Variants in TMEM144 observed in about 807,000 individuals in gnomAD.
TMEM144 encodes transmembrane protein 144.
Under a neutral mutation model 43.6 loss-of-function variants are expected in TMEM144, and 39 were observed. The observed-to-expected ratio is 0.90, with a 90% CI of 0.69 to 1.17. The LOEUF is 1.17. Among genes scored for constraint, TMEM144 ranks in the 50% most tolerant of loss-of-function variants. TMEM144 has a pLI of 0.00. For synonymous variants in TMEM144, 154 were observed against 133.6 expected (o/e 1.15, Z -1.06); for missense variants, 417 against 411.9 (o/e 1.01, Z -0.11).
chr4:158,248,762 C>T (rs1026923129), intron 12 of TMEM144, among the ~76,000 whole-genome samples: 10 of 152,154 alleles, frequency 6.6e-5, no homozygotes, highest in Non-Finnish European at 1.5e-4. Context: ...TCCTTGAAGA[C>T]GCATATTTAA....
intron 11 of TMEM144, among the ~76,000 whole-genome samples, chr4:158,244,058 ATAT>A (rs1221935457): frequency 5.9e-5 from 9 of 152,208 alleles, no homozygotes; most frequent in African/African-American, 2.2e-4. Flanking sequence ...GTGGCACAAA[ATAT>A]TATAGCATCA....
At chr4:158,248,764 C>A (rs1419649328) in intron 12 of TMEM144, among the ~76,000 whole-genome samples, 2 of 152,188 alleles carry the variant, frequency 1.3e-5, no homozygotes, top group Non-Finnish European at 2.9e-5. Context: ...CTTGAAGACG[C>A]ATATTTAAAA....
intron 12 of TMEM144, among the ~76,000 whole-genome samples, chr4:158,247,303 G>A (rs1203373762): frequency 6.6e-6 from 1 of 151,940 alleles, no homozygotes; most frequent in South Asian, 2.1e-4. Context: ...TATATTGGAA[G>A]TCAAGGATTT....
In TMEM144 at chr4:158,254,516, G is replaced by C. The variant is rs1420477215; in HGVS notation, c.*989G>C. 6.6e-6 allele frequency: 1 copy of C among 151,028 alleles called. No homozygotes were observed. The highest frequency in any genetic ancestry group is 2.4e-5 in the African/African-American group (1 of 41,088). The allele number at this position is 151,028 out of a possible 1,614,324, so 9.4% of individuals were successfully genotyped here. A position where few individuals can be genotyped will look rare whatever the true frequency, so the allele number is the denominator to read the frequency against. ...CGCACTACTATAATCCCAGCTGCTG[G>C]GGCGGCTGAAGTAGGAGGGTCACTT... On this transcript the variant is annotated 3_prime_UTR_variant, in exon 13 of 13. Coordinates refer to ENST00000296529, the MANE Select transcript of TMEM144 (RefSeq NM_018342.5).
chr4:158,252,665 G>A (rs1370287142), intron 12 of TMEM144, among the ~76,000 whole-genome samples: 1 of 151,858 alleles, frequency 6.6e-6, no homozygotes, highest in Non-Finnish European at 1.5e-5. Flanking sequence ...AAAATTCACT[G>A]GGCTTGGTGA....
intron 10 of TMEM144, among the ~76,000 whole-genome samples, chr4:158,240,906 T>A (rs950446635): frequency 2.6e-5 from 4 of 152,222 alleles, no homozygotes; most frequent in African/African-American, 9.6e-5. Flanking sequence ...TGATCTTTTT[T>A]AAAAATCTCA....
chr4:158,212,648 A>C lies in TMEM144; in HGVS notation c.-20A>C. 1.3e-6 allele frequency: 2 copies of C among 1,560,462 alleles called. No individual in the cohort carries two copies. Among genetic ancestry groups the C allele is most frequent in the Non-Finnish European group, 1.8e-6 (2 of 1,142,458 alleles). On this transcript the variant is annotated 5_prime_UTR_variant, in exon 3 of 13. Coordinates refer to ENST00000296529, the MANE Select transcript of TMEM144 (RefSeq NM_018342.5). ...ACATCAAGTCTAAAGTGAACCAGCTAACTCATTAAGACTGGAATCATGAGC... is the reference window on the plus strand; with the variant it reads ...ACATCAAGTCTAAAGTGAACCAGCTCACTCATTAAGACTGGAATCATGAGC...
Position 158,232,960 on chromosome 4 carries a change from C to A in TMEM144, c.473C>A (p.Thr158Asn), listed in dbSNP as rs759603240. 1.9e-6 allele frequency: 3 copies of A among 1,609,866 alleles called. No homozygotes were observed. The African/African-American group carries it at 4.0e-5, about 22-fold the overall frequency. Reference protein sequence around the residue: ...EIPNNTCSMDTTPLITEHVIN... With the variant: ...EIPNNTCSMDNTPLITEHVIN... ...CCAAATAACACGTGTTCCATGGATA[C>A]CACTCCATTAATAACAGAGCATGTG... Residue 158 changes from threonine (T) to asparagine (N), a missense_variant, in exon 7 of 13, where the codon ACC (threonine) becomes AAC (asparagine). Physicochemically the swap from Thr to Asn is moderately conservative, Grantham distance 65. Coordinates refer to ENST00000296529, the MANE Select transcript of TMEM144 (RefSeq NM_018342.5).
At position 158,210,574 on chromosome 4, in the gene TMEM144, A is replaced by C. The variant is rs547846071; in HGVS notation, c.-195A>C. ...TGAGTAGGAAGGAGCTTCAGCCGCC[A>C]GCCCGGAACGCAGTGAGTACAGCCA... On this transcript the variant is annotated 5_prime_UTR_variant, in exon 1 of 13. Coordinates refer to ENST00000296529, the MANE Select transcript of TMEM144 (RefSeq NM_018342.5). 1 of 152,418 alleles carries C rather than the reference A, an allele frequency of 6.6e-6. No homozygotes were observed. Among genetic ancestry groups the C allele is most frequent in the South Asian group, 2.1e-4 (1 of 4,828 alleles). The allele number at this position is 152,418 out of a possible 1,614,324, so 9.4% of individuals were successfully genotyped here.
chr4:158,219,180 C>A, intron 5 of TMEM144, 130 bp from the exon 6 acceptor site: 1 of 858,414 alleles, frequency 1.2e-6, no homozygotes, highest in Non-Finnish European at 1.8e-6. Flanking sequence ...TTAACTTTCC[C>A]AAAGTCACAG....
rs759671918 is a variant in TMEM144, at chr4:158,253,445, G to T, written c.956G>T (p.Gly319Val). ...CTGTTATTCTTTTTTCTTATTCAGG[G>T]TCTACAAAACTACCTATTAATGATA... ...WGIFMFKEIK[G>V]LQNYLLMILA... The change falls in exon 13 of 13, where the codon GGT becomes GTT. Residue 319 changes from glycine to valine, a missense_variant and splice_region_variant. Gly to Val is a moderately radical substitution (Grantham distance 109). Coordinates refer to ENST00000296529, the MANE Select transcript of TMEM144 (RefSeq NM_018342.5). 1.2e-6 allele frequency: 2 copies of T among 1,611,050 alleles called. No homozygotes were observed. The highest frequency in any genetic ancestry group is 1.7e-6 in the Non-Finnish European group (2 of 1,178,178).
chr4:158,253,597 C>A lies in TMEM144; in HGVS notation c.*70C>A. 2 of 1,317,356 alleles carry A rather than the reference C, an allele frequency of 1.5e-6. No homozygotes were observed. The highest frequency in any genetic ancestry group is 1.3e-5 in the South Asian group (1 of 79,528). The allele number at this position is 1,317,356 out of a possible 1,614,324, so 81.6% of individuals were successfully genotyped here. On this transcript the variant is annotated 3_prime_UTR_variant, in exon 13 of 13. Transcript: ENST00000296529. ...TCTATCGGACAGCGGAGAGATCATG[C>A]TGAGAAAAGAGTGCATTTTCATATA... is the stretch of plus-strand genomic sequence containing the variant.
intron 10 of TMEM144, 124 bp from the exon 11 acceptor site, chr4:158,241,385 T>C (rs1735629072): frequency 1.4e-6 from 1 of 738,248 alleles, no homozygotes; most frequent in Non-Finnish European, 2.3e-6. Context: ...CAAAATTCCA[T>C]GTTGGCCAAC....
At chr4:158,215,125 A>G (rs2111100968) in intron 3 of TMEM144, 66 bp from the exon 4 acceptor site, 3 of 1,605,398 alleles carry the variant, frequency 1.9e-6, no homozygotes, top group South Asian at 1.1e-5. Context: ...CACCTCATAG[A>G]TATTCCTGAG....
intron 10 of TMEM144, among the ~76,000 whole-genome samples, chr4:158,241,252 G>A (rs1735622295): frequency 6.6e-6 from 1 of 151,984 alleles, no homozygotes; most frequent in South Asian, 2.1e-4. Context: ...TCATCACCCA[G>A]TCTCTACCTC....
chr4:158,242,448 CTT>C (rs1560838500), intron 11 of TMEM144, among the ~76,000 whole-genome samples: 3 of 152,082 alleles, frequency 2.0e-5, no homozygotes, highest in African/African-American at 7.2e-5. Flanking sequence ...ATTTTTAAAA[CTT>C]TTTTAAACTT....
In TMEM144 at chr4:158,253,465, A is replaced by G. The variant is rs1184106776; in HGVS notation, c.976A>G (p.Met326Val). 3.1e-6 allele frequency: 5 copies of G among 1,613,690 alleles called. No homozygotes were observed. The African/African-American group carries it at 4.0e-5, about 13-fold the overall frequency. ...TCAGGGTCTACAAAACTACCTATTA[A>G]TGATACTTGCATTTTGCATCATCTT... ...EIKGLQNYLLMILAFCIILTG... is the reference protein window; with the variant it reads ...EIKGLQNYLLVILAFCIILTG... The change falls in exon 13 of 13, where the codon ATG (methionine) becomes GTG (valine). Residue 326 changes from methionine (M) to valine (V), a missense_variant. Met to Val is a conservative substitution (Grantham distance 21). Coordinates refer to ENST00000296529, the MANE Select transcript of TMEM144 (RefSeq NM_018342.5).
intron 12 of TMEM144, among the ~76,000 whole-genome samples, chr4:158,248,230 C>T (rs1223940704): frequency 6.6e-6 from 1 of 151,014 alleles, no homozygotes; most frequent in East Asian, 2.0e-4. Flanking sequence ...CTCAGGAGTT[C>T]AAGACCAGCC....
intron 12 of TMEM144, among the ~76,000 whole-genome samples, chr4:158,246,986 G>A (rs984064800): frequency 6.6e-6 from 1 of 151,782 alleles, no homozygotes; most frequent in African/African-American, 2.4e-5. Flanking sequence ...AAACAGTGAG[G>A]AATGTTTTGT....
Sources: allele counts gnomAD v4.1 joint callset (sites outside exome capture counted in the v4.1 genomes callset), GRCh38; gene constraint gnomAD v4.1.1; transcripts MANE v1.5; gene names NCBI Gene and HGNC (gene_info 2026-07-23, HGNC 2026-07-21).